The following ESYT2 variants were observed in gnomAD, a reference collection of about 807,000 sequenced individuals.
ESYT2 encodes extended synaptotagmin 2, also known as extended synaptotagmin-2.
Under a neutral mutation model 107.2 loss-of-function variants are expected in ESYT2, and 54 were observed. The ratio of observed to expected loss-of-function variants is 0.50; its 90% confidence interval spans 0.40 to 0.63. The LOEUF is 0.63. Ranked by LOEUF, ESYT2 falls within the 30% of genes least tolerant of loss-of-function variation. The pLI is 0.00. For missense variants in ESYT2, 1,020 were observed against 1,094.5 expected, an observed-to-expected ratio of 0.93 and a Z score of 0.96; for synonymous variants, 491 against 434.1, an observed-to-expected ratio of 1.13 and a Z score of -1.63.
intron 8 of ESYT2, among the ~76,000 whole-genome samples, chr7:158,766,128 T>C (rs1374448366): frequency 6.6e-6 from 1 of 150,970 alleles, no homozygotes; most frequent in Non-Finnish European, 1.5e-5. Flanking sequence ...GAGATTGTGC[T>C]ACTGCACTCC....
Position 158,795,909 on chromosome 7 carries a change from G to A in ESYT2, c.507+2033C>T, listed in dbSNP as rs572142509. Among the ~76,000 whole-genome samples, 7 of 152,344 alleles carry A rather than the reference G, an allele frequency of 4.6e-5. No individual in the cohort carries two copies. In the East Asian group the frequency reaches 5.8e-4, roughly 13 times the overall value. On this transcript the variant is annotated intron_variant, in intron 3 of 22. Coordinates refer to ENST00000275418, the MANE Select transcript of ESYT2 (RefSeq NM_001367773.1). Reference sequence around the variant, plus strand: ...CAGCACATACAGGCAGGTGTCACACGTAAGGCTGCACAGGAGGCACGGGGT... The same window carrying A: ...CAGCACATACAGGCAGGTGTCACACATAAGGCTGCACAGGAGGCACGGGGT...
At chr7:158,741,296 TC>T (rs1397263787) in intron 18 of ESYT2, among the ~76,000 whole-genome samples, 1 of 152,232 alleles carries the variant, frequency 6.6e-6, no homozygotes, top group African/African-American at 2.4e-5. Flanking sequence ...CACGTTCTAA[TC>T]TTTAATGACT....
chr7:158,759,595 A>C lies in ESYT2; in HGVS notation c.1324-14T>G. ...GTCTGTTAGCACCTAAAAGGAAAGG[A>C]AAAAGCCCTTAGCAGCCATGTTTCC... On this transcript the variant is annotated splice_polypyrimidine_tract_variant and intron_variant, in intron 12 of 22. Coordinates refer to ENST00000275418, the MANE Select transcript of ESYT2 (RefSeq NM_001367773.1). 6.3e-7 allele frequency: 1 copy of C among 1,596,050 alleles called. No homozygotes were observed. The highest frequency in any genetic ancestry group is 1.1e-5 in the South Asian group (1 of 90,132).
chr7:158,754,109 C>T (rs1438801378), intron 13 of ESYT2, among the ~76,000 whole-genome samples: 4 of 152,166 alleles, frequency 2.6e-5, no homozygotes, highest in Admixed American at 6.5e-5. Flanking sequence ...GCAGGTGCCC[C>T]GTCGGGAGGC....
rs149337670 is a variant in ESYT2, at chr7:158,755,221, G to A, written c.1420-2378C>T. Among the ~76,000 whole-genome samples, 34 of 152,334 alleles carry A rather than the reference G, an allele frequency of 2.2e-4. No homozygotes were observed. The East Asian group carries it at 3.7e-3, about 16-fold the overall frequency. ...GTAAGAGAGCACTGGGTTGGCAGCC[G>A]TCAAAGCCTTCACCAGTGACAGCAA... On this transcript the variant is annotated intron_variant, in intron 13 of 22. Coordinates refer to ENST00000275418, the MANE Select transcript of ESYT2 (RefSeq NM_001367773.1).
At chr7:158,796,901 CCCGACAGAGACGGGAAAAGGCACCACGG>C (rs1839476219) in intron 3 of ESYT2, among the ~76,000 whole-genome samples, 1 of 147,180 alleles carries the variant, frequency 6.8e-6, no homozygotes, top group South Asian at 2.3e-4. Context: ...CGGAAGGCCT[CCCGACAGAGACGGGAAAAGGCACCACGG>C]CTGGAGGCAG....
At chr7:158,766,678 T>C (rs1838174990) in intron 8 of ESYT2, among the ~76,000 whole-genome samples, 1 of 152,220 alleles carries the variant, frequency 6.6e-6, no homozygotes, top group Non-Finnish European at 1.5e-5. Flanking sequence ...AGCGATCTAC[T>C]TCTACTTCAG....
At chr7:158,744,739 ATAATT>A (rs1184740018) in intron 16 of ESYT2, among the ~76,000 whole-genome samples, 4 of 152,194 alleles carry the variant, frequency 2.6e-5, no homozygotes, top group Non-Finnish European at 4.4e-5. Flanking sequence ...GTAATATAAA[ATAATT>A]TAATCAAATA....
intron 6 of ESYT2, among the ~76,000 whole-genome samples, chr7:158,774,747 A>C (rs1314195764): frequency 6.6e-6 from 1 of 152,258 alleles, no homozygotes; most frequent in Non-Finnish European, 1.5e-5. Flanking sequence ...GGAAGTAAGA[A>C]CATATCAAAG....
At chr7:158,770,775 A>C (rs1838336679) in intron 7 of ESYT2, among the ~76,000 whole-genome samples, 1 of 152,144 alleles carries the variant, frequency 6.6e-6, no homozygotes, top group Admixed American at 6.5e-5. Context: ...TCGGCCTCCC[A>C]AAGTGCTGGG....
At chr7:158,745,197 A>C (rs1837355408) in intron 16 of ESYT2, among the ~76,000 whole-genome samples, 1 of 147,026 alleles carries the variant, frequency 6.8e-6, no homozygotes, top group Admixed American at 6.9e-5. Context: ...GGCTGTTCAC[A>C]CTCACCTATC....
intron 6 of ESYT2, among the ~76,000 whole-genome samples, chr7:158,774,944 G>T (rs917840793): frequency 5.9e-5 from 9 of 152,178 alleles, no homozygotes; most frequent in African/African-American, 1.9e-4. Flanking sequence ...ACAATTAGAT[G>T]AGGCCATTGT....
At chr7:158,740,357 T>C (rs916859151) in intron 18 of ESYT2, among the ~76,000 whole-genome samples, 1 of 152,260 alleles carries the variant, frequency 6.6e-6, no homozygotes, top group African/African-American at 2.4e-5. Context: ...GTCTCCTTTC[T>C]AAATGTGCAG....
chr7:158,737,268 T>G (rs1836995518), intron 19 of ESYT2, 89 bp from the exon 20 acceptor site: 1 of 1,479,446 alleles, frequency 6.8e-7, no homozygotes, highest in South Asian at 1.3e-5. Flanking sequence ...CAAGCTTTGA[T>G]TTCATGTTTA....
chr7:158,768,370 A>G (rs903455530), intron 7 of ESYT2, among the ~76,000 whole-genome samples: 1 of 152,220 alleles, frequency 6.6e-6, no homozygotes, highest in African/African-American at 2.4e-5. Flanking sequence ...ACTATACATC[A>G]CTGCACAGCA....
chr7:158,784,825 C>T (rs1476460823), intron 6 of ESYT2, among the ~76,000 whole-genome samples: 1 of 152,102 alleles, frequency 6.6e-6, no homozygotes, highest in Non-Finnish European at 1.5e-5. Flanking sequence ...ATGGAATCTG[C>T]GGTTCAAAAG....
Position 158,741,042 on chromosome 7 carries a change from G to A in ESYT2, c.2168+481C>T, listed in dbSNP as rs150878592. On this transcript the variant is annotated intron_variant, in intron 18 of 22. Transcript: ENST00000275418. ...TTAACACACACCTATGAGTCATGGG[G>A]CTTAAATAAGGAGCCAACACAGACA... Among the ~76,000 whole-genome samples, 64 of 152,258 alleles carry A rather than the reference G, an allele frequency of 4.2e-4. No homozygotes were observed. The South Asian group carries it at 9.3e-3, about 22-fold the overall frequency.
chr7:158,811,644 G>A (rs1839996527), intron 1 of ESYT2, among the ~76,000 whole-genome samples: 1 of 152,218 alleles, frequency 6.6e-6, no homozygotes, highest in South Asian at 2.1e-4. Context: ...AGGATTCAGG[G>A]GAGGCGGAGA....
At chr7:158,791,042 G>A (rs1201426) in intron 4 of ESYT2, among the ~76,000 whole-genome samples, 99,244 of 152,026 alleles carry the variant, frequency 0.65, 34,748 homozygotes, top group Non-Finnish European at 0.78. Flanking sequence ...ACCACCATCC[G>A]TCTCCGGACC....
Sources: allele counts gnomAD v4.1 joint callset (sites outside exome capture counted in the v4.1 genomes callset), GRCh38; gene constraint gnomAD v4.1.1; transcripts MANE v1.5; gene names NCBI Gene and HGNC (gene_info 2026-07-23, HGNC 2026-07-21).